NPIPB2: variants seen among roughly 807,000 people sequenced by gnomAD.
NPIPB2 encodes nuclear pore complex-interacting protein family member B2.
In NPIPB2, 27 loss-of-function variants were observed where a neutral mutation model predicts 30.8. That is an observed-to-expected ratio of 0.88 (90% CI 0.65 to 1.21). NPIPB2 has a LOEUF of 1.21. Among genes scored for constraint, NPIPB2 ranks in the 50% most tolerant of loss-of-function variants. The pLI, the probability that NPIPB2 is intolerant of heterozygous loss-of-function variation, is 0.00. For synonymous variants in NPIPB2, 147 were observed against 162.0 expected (o/e 0.91, Z 0.70); for missense variants, 440 against 446.2 (o/e 0.99, Z 0.13).
At chr16:11,952,565 CTTTT>C (rs3031202) in intron 1 of NPIPB2, among the ~76,000 whole-genome samples, 11 of 109,868 alleles carry the variant, frequency 1.0e-4, no homozygotes, top group Admixed American at 1.9e-4. Context: ...CTTTCTTTCT[CTTTT>C]TTTTTTTTTT....
intron 1 of NPIPB2, among the ~76,000 whole-genome samples, chr16:11,950,702 C>T (rs984963446): frequency 1.3e-5 from 2 of 152,078 alleles, no homozygotes; most frequent in Non-Finnish European, 2.9e-5. Context: ...CCGCTCCCTC[C>T]CTCCTCTCAT....
At chr16:11,932,899 A>C (rs937118652) in intron 4 of NPIPB2, among the ~76,000 whole-genome samples, 3 of 148,778 alleles carry the variant, frequency 2.0e-5, no homozygotes, top group Non-Finnish European at 4.5e-5. Context: ...CAGAGGTTGC[A>C]GTGAGCCAAG....
At chr16:11,950,374 T>A (rs1360241181) in intron 1 of NPIPB2, among the ~76,000 whole-genome samples, 1 of 152,118 alleles carries the variant, frequency 6.6e-6, no homozygotes, top group Non-Finnish European at 1.5e-5. Context: ...CTTATTATGT[T>A]GCCCAGACTG....
At chr16:11,967,949 C>T (rs1443907661) in intron 1 of NPIPB2, 8 of 1,337,136 alleles carry the variant, frequency 6.0e-6, no homozygotes, top group East Asian at 4.8e-5. Context: ...GTTGCCGATA[C>T]AGCTTTTTGT....
chr16:11,976,414 G>C (rs935755689), intron 1 of NPIPB2, among the ~76,000 whole-genome samples: 1 of 152,196 alleles, frequency 6.6e-6, no homozygotes, highest in Admixed American at 6.5e-5. Context: ...CTGTGCCCAC[G>C]CTTTGTCCCG....
intron 5 of NPIPB2, among the ~76,000 whole-genome samples, chr16:11,929,993 A>G (rs1201132997): frequency 1.4e-5 from 2 of 138,894 alleles, no homozygotes; most frequent in African/African-American, 2.7e-5. Context: ...CCCCATTCTC[A>G]GTACATCCCT....
Position 11,961,020 on chromosome 16 carries a change from G to C in NPIPB2, c.-584+15548C>G, listed in dbSNP as rs566144453. Among the ~76,000 whole-genome samples, 13 of 151,754 alleles carry C rather than the reference G, an allele frequency of 8.6e-5. No individual in the cohort carries two copies. In the South Asian group the frequency reaches 2.7e-3, roughly 32 times the overall value. ...TAGCTGGGATTATGCACGCCACCAC[G>C]CTTGGCTAATTTTTGTATTTTTAGT... On this transcript the variant is annotated intron_variant, in intron 1 of 5. Coordinates refer to the NPIPB2 transcript ENST00000538896.
chr16:11,945,356 G>A (rs1450364453), upstream of NPIPB2, among the ~76,000 whole-genome samples: 1 of 152,014 alleles, frequency 6.6e-6, no homozygotes, highest in African/African-American at 2.4e-5. Context: ...AGTCCAGCCT[G>A]GGCAACATAG....
In NPIPB2 at chr16:11,963,262, C is replaced by T. The variant is rs549969723; in HGVS notation, c.-584+13306G>A. ...AGGCGTGGTGGCATGCACCTGTCAT[C>T]CCAGCTACTCAGGAGGCTGAGGCCA... On this transcript the variant is annotated intron_variant, in intron 1 of 5. Coordinates refer to the NPIPB2 transcript ENST00000538896. Among the ~76,000 whole-genome samples, 4 of 152,066 alleles carry T rather than the reference C, an allele frequency of 2.6e-5. No homozygotes were observed. The South Asian group carries it at 6.2e-4, about 24-fold the overall frequency.
Position 11,931,797 on chromosome 16 carries a change from T to C in NPIPB2, c.489-1246A>G, listed in dbSNP as rs570675452. 2.2e-4 allele frequency among the ~76,000 whole-genome samples: 34 copies of C among 151,498 alleles called. No individual in the cohort carries two copies. In the South Asian group the frequency reaches 3.8e-3, roughly 17 times the overall value. On this transcript the variant is annotated intron_variant, in intron 4 of 7. Transcript: ENST00000399147. ...ACCAAACAGAATATAAAACCCATGA[T>C]TGAATACATCAAATTGCTAACATGG...
chr16:11,937,573 T>G, exon 2 of NPIPB2: 1 of 1,599,504 alleles, frequency 6.3e-7, no homozygotes, highest in South Asian at 1.1e-5. Flanking sequence ...TAAGGACAAC[T>G]TTATAACTTC....
At chr16:11,933,913 C>T (rs754352000) in exon 3 of NPIPB2, 2 of 1,543,838 alleles carry the variant, frequency 1.3e-6, no homozygotes, top group South Asian at 1.1e-5. Flanking sequence ...AGATAGTCTT[C>T]AGGAAAGACA....
chr16:11,948,971 C>G (rs2055039338), intron 1 of NPIPB2, among the ~76,000 whole-genome samples: 1 of 151,714 alleles, frequency 6.6e-6, no homozygotes, highest in South Asian at 2.1e-4. Flanking sequence ...GACACTGTCT[C>G]TACAAAAAAT....
chr16:11,964,960 A>T (rs1463808177), intron 1 of NPIPB2: 1 of 320,084 alleles, frequency 3.1e-6, no homozygotes, highest in Non-Finnish European at 5.8e-6. Flanking sequence ...ATGTTCCAGA[A>T]ACTGTTACTG....
At chr16:11,952,094 G>A (rs2055071442) in intron 1 of NPIPB2, among the ~76,000 whole-genome samples, 1 of 149,582 alleles carries the variant, frequency 6.7e-6, no homozygotes, top group Non-Finnish European at 1.5e-5. Flanking sequence ...AGGAGGCGGC[G>A]CTTGCAGTGA....
intron 1 of NPIPB2, among the ~76,000 whole-genome samples, chr16:11,969,915 C>A (rs559142065): frequency 1.4e-5 from 2 of 142,390 alleles, no homozygotes; most frequent in South Asian, 4.8e-4. Context: ...CTGGACTGCA[C>A]TGGCATCATC....
chr16:11,976,624 T>A, exon 1 of NPIPB2: 1 of 380,936 alleles, frequency 2.6e-6, no homozygotes, highest in African/African-American at 2.1e-5. Flanking sequence ...GTCCGGCGAC[T>A]TGGATCTGCG....
At chr16:11,932,994 C>A (rs2054811350) in intron 4 of NPIPB2, among the ~76,000 whole-genome samples, 1 of 149,968 alleles carries the variant, frequency 6.7e-6, no homozygotes, top group African/African-American at 2.4e-5. Context: ...GCTGTGGTGG[C>A]TCATGCCTCT....
At chr16:11,965,403 C>T (rs185085849) in intron 1 of NPIPB2, 7 of 1,614,094 alleles carry the variant, frequency 4.3e-6, no homozygotes, top group African/African-American at 2.7e-5. Flanking sequence ...TTGTCAACTT[C>T]GATGTTCTTC....
Sources: gnomAD v4.1 joint callset for allele counts (sites outside exome capture counted in the v4.1 genomes callset) on GRCh38, gnomAD v4.1.1 for gene constraint, MANE v1.5 for transcripts, NCBI Gene and HGNC (gene_info 2026-07-23, HGNC 2026-07-21) for gene names.